The following ATP13A5 variants were observed in gnomAD, a reference collection of about 807,000 sequenced individuals.
ATP13A5 encodes ATPase 13A5.
ATP13A5 carries 149 observed loss-of-function variants against 150.2 expected under a neutral mutation model. The ratio of observed to expected loss-of-function variants is 0.99; its 90% CI spans 0.87 to 1.14. ATP13A5 has a LOEUF of 1.14. ATP13A5 is among the 50% of genes most tolerant of loss of function. The pLI is 0.00. For missense variants in ATP13A5, 1,383 were observed against 1,449.3 expected (o/e 0.95, Z 0.74); for synonymous variants, 497 against 522.2 (o/e 0.95, Z 0.66).
At chr3:193,309,536 G>A (rs1037606680) in intron 21 of ATP13A5, among the ~76,000 whole-genome samples, 3 of 152,130 alleles carry the variant, frequency 2.0e-5, no homozygotes, top group Non-Finnish European at 2.9e-5. Flanking sequence ...TCCCCTGGAC[G>A]TGGGCTGGAT....
intron 1 of ATP13A5, among the ~76,000 whole-genome samples, chr3:193,366,471 C>A (rs1430206801): frequency 6.6e-6 from 1 of 151,888 alleles, no homozygotes; most frequent in Non-Finnish European, 1.5e-5. Flanking sequence ...AATTATATTT[C>A]TTTAAGGATA....
chr3:193,336,940 G>C (rs1201961513), intron 9 of ATP13A5, among the ~76,000 whole-genome samples: 79 of 152,312 alleles, frequency 5.2e-4, no homozygotes, highest in Non-Finnish European at 9.4e-4. Context: ...TAACTGGTGT[G>C]AGATGGTGTC....
rs1717124503 is a variant in ATP13A5 at position 193,275,092 on chromosome 3, G to A, written c.3607C>T (p.Leu1203Phe). The A allele has an allele frequency of 6.2e-7, 1 of 1,614,036 alleles. No individual in the cohort carries two copies. Among genetic ancestry groups the A allele is most frequent in the African/African-American group, 1.3e-5 (1 of 74,904 alleles). ...ESHEQIPKRK[L>F]KLGGQPTEQH... ...TCTGTGGGTTGGCCTCCCAATTTGA[G>A]TTTTCTTTTTGGAATCTGTTCATGG... The change falls in exon 30 of 30, where the codon CTC (leucine) becomes TTC (phenylalanine). Residue 1203 changes from leucine (L) to phenylalanine (F), a missense_variant. Coordinates refer to ENST00000342358, the MANE Select transcript of ATP13A5 (RefSeq NM_198505.4).
intron 1 of ATP13A5, among the ~76,000 whole-genome samples, chr3:193,369,715 G>GT (rs1340298951): frequency 6.6e-6 from 1 of 152,130 alleles, no homozygotes; most frequent in African/African-American, 2.4e-5. Flanking sequence ...TCTCAAACCC[G>GT]TTATACATGG....
Position 193,305,585 on chromosome 3 carries a change from G to T in ATP13A5, c.2652C>A (p.Asn884Lys). ...TGATGAGATGAGGCACACACTGGATGTTGGTTGTTTTAGAGGTAAAAGGGG... is the reference window on the plus strand; with the variant it reads ...TGATGAGATGAGGCACACACTGGATTTTGGTTGTTTTAGAGGTAAAAGGGG... ...VASPFTSKTTNIQCVPHLIRE... is the reference protein window; with the variant it reads ...VASPFTSKTTKIQCVPHLIRE... Residue 884 changes from asparagine (N) to lysine (K), a missense_variant, in exon 23 of 30, where the codon AAC becomes AAA. Asn to Lys is a moderately conservative substitution (Grantham distance 94). This residue lies in a region of ATP13A5 where 568 missense variants were observed against 621.5 expected (regional missense o/e 0.91). Coordinates refer to ENST00000342358, the MANE Select transcript of ATP13A5 (RefSeq NM_198505.4). 6.2e-7 allele frequency: 1 copy of T among 1,613,838 alleles called. No homozygotes were observed. The highest frequency in any genetic ancestry group is 8.5e-7 in the Non-Finnish European group (1 of 1,179,750).
At position 193,371,312 on chromosome 3, in the gene ATP13A5, C is replaced by T. The variant is rs182632165; in HGVS notation, c.64-7032G>A. Among the ~76,000 whole-genome samples, 6 of 152,320 alleles carry T rather than the reference C, an allele frequency of 3.9e-5. No homozygotes were observed. The East Asian group carries it at 9.7e-4, about 25-fold the overall frequency. On this transcript the variant is annotated intron_variant, in intron 1 of 29. Coordinates refer to ENST00000342358, the MANE Select transcript of ATP13A5 (RefSeq NM_198505.4). The stretch of plus-strand genomic sequence containing the variant: ...GTGTTCTTTGCAGATGAGCATCTAT[C>T]GTCTGCTTAAGAGGGGCTTTTCGTT...
intron 21 of ATP13A5, among the ~76,000 whole-genome samples, chr3:193,309,203 A>T (rs1196841960): frequency 6.6e-6 from 1 of 152,212 alleles, no homozygotes; most frequent in Non-Finnish European, 1.5e-5. Flanking sequence ...GGGGGTAATA[A>T]AGGACTTTCT....
At chr3:193,370,250 A>G (rs918057917) in intron 1 of ATP13A5, among the ~76,000 whole-genome samples, 45 of 152,218 alleles carry the variant, frequency 3.0e-4, no homozygotes, top group African/African-American at 1.0e-3. Context: ...GCTTTTTCAC[A>G]GAGGTTATTG....
rs183308841 is a variant in ATP13A5, at chr3:193,275,138, G to A, written c.3561C>T (p.Tyr1187=). The A allele has an allele frequency of 6.8e-6, 11 of 1,614,200 alleles. No homozygotes were observed. The East Asian group carries it at 2.5e-4, about 36-fold the overall frequency. The change falls in exon 30 of 30, where the codon TAC becomes TAT. Residue 1187 remains tyrosine (Y), a synonymous_variant. Coordinates refer to ENST00000342358, the MANE Select transcript of ATP13A5 (RefSeq NM_198505.4). ...DYSGDGKNGF[Y]INGGYESHEQ... ...CATGGCTTTCATAGCCTCCGTTGAT[G>A]TAGAATCCATTTTTGCCATCACCTG... is the stretch of plus-strand genomic sequence containing the variant.
Position 193,363,274 on chromosome 3 carries a change from A to T in ATP13A5, c.346T>A (p.Ser116Thr). The T allele has an allele frequency of 6.2e-7, 1 of 1,613,952 alleles. No homozygotes were observed. The highest frequency in any genetic ancestry group is 8.5e-7 in the Non-Finnish European group (1 of 1,179,822). The change falls in exon 3 of 30, where the codon TCT becomes ACT. Residue 116 changes from serine (S) to threonine (T), a missense_variant. Ser to Thr is a moderately conservative substitution (Grantham distance 58). Around this residue, in one of 3 missense-constraint regions of ATP13A5, gnomAD observed 787 missense variants for 771.9 expected, o/e 1.02. Coordinates refer to ENST00000342358, the MANE Select transcript of ATP13A5 (RefSeq NM_198505.4). Reference protein sequence around the residue: ...WEESLVADRHSVINQALIKPE... With the variant: ...WEESLVADRHTVINQALIKPE... ...TTTATTAAGGCTTGGTTTATGACAG[A>T]GTGGCGGTCAGCCACCAGGGATTCT... is the stretch of plus-strand genomic sequence containing the variant.
chr3:193,308,090 A>C (rs1325232032), intron 21 of ATP13A5, among the ~76,000 whole-genome samples: 2 of 152,230 alleles, frequency 1.3e-5, no homozygotes, highest in Admixed American at 6.5e-5. Context: ...ATAAGGAGAA[A>C]AAATAAAGTT....
intron 7 of ATP13A5, among the ~76,000 whole-genome samples, chr3:193,345,454 G>A (rs1041139497): frequency 4.6e-5 from 7 of 152,280 alleles, no homozygotes; most frequent in African/African-American, 1.7e-4. Context: ...AGCAGATTCA[G>A]AGAGACTCCA....
At chr3:193,309,612 A>T (rs929246347) in intron 21 of ATP13A5, among the ~76,000 whole-genome samples, 7 of 152,102 alleles carry the variant, frequency 4.6e-5, no homozygotes, top group Admixed American at 1.3e-4. Context: ...AAAAAACAGC[A>T]ACATCCGTCT....
intron 28 of ATP13A5, 73 bp downstream of exon 28, chr3:193,279,293 G>T: frequency 8.4e-7 from 1 of 1,194,052 alleles, no homozygotes; most frequent in Non-Finnish European, 1.2e-6. Context: ...AGTAATAATT[G>T]ACTTGTGAAT....
chr3:193,376,047 G>C (rs1195897296), intron 1 of ATP13A5, among the ~76,000 whole-genome samples: 1 of 152,176 alleles, frequency 6.6e-6, no homozygotes, highest in Non-Finnish European at 1.5e-5. Context: ...GGGCGAGGCT[G>C]TCAACATCAG....
chr3:193,289,223 A>C (rs531584279), intron 26 of ATP13A5, among the ~76,000 whole-genome samples: 2 of 152,244 alleles, frequency 1.3e-5, no homozygotes, highest in African/African-American at 4.8e-5. Context: ...ATAAAGCTTG[A>C]GCCATCGGCG....
intron 28 of ATP13A5, among the ~76,000 whole-genome samples, chr3:193,278,432 C>A (rs1717324625): frequency 6.6e-6 from 1 of 152,168 alleles, no homozygotes; most frequent in African/African-American, 2.4e-5. Context: ...ATTATTCATT[C>A]TTGTTCATAC....
chr3:193,354,507 C>T (rs536042931), intron 5 of ATP13A5, among the ~76,000 whole-genome samples: 9 of 151,744 alleles, frequency 5.9e-5, no homozygotes, highest in African/African-American at 1.5e-4. Context: ...CTAAAAGCAA[C>T]GAAAAAGACA....
At chr3:193,296,665 C>T (rs180705284) in intron 25 of ATP13A5, among the ~76,000 whole-genome samples, 26 of 151,974 alleles carry the variant, frequency 1.7e-4, no homozygotes, top group Non-Finnish European at 2.9e-4. Flanking sequence ...CTTGGCTATT[C>T]GTGCTCTTTT....
Sources: allele counts gnomAD v4.1 joint callset (sites outside exome capture counted in the v4.1 genomes callset), GRCh38; gene constraint gnomAD v4.1.1; regional missense constraint gnomAD v4.1.1; transcripts MANE v1.5; gene names NCBI Gene and HGNC (gene_info 2026-07-23, HGNC 2026-07-21).